Variants in NELL1 observed in about 807,000 individuals in gnomAD.
NELL1 encodes protein kinase C-binding protein NELL1.
In NELL1, 76 loss-of-function variants were observed where a neutral mutation model predicts 107.4. That is an observed-to-expected ratio of 0.71 (90% confidence interval 0.59 to 0.86). The LOEUF (loss-of-function observed/expected upper bound fraction) is 0.86. Among genes scored for constraint, NELL1 ranks in the 40% least tolerant of loss-of-function variants. The probability of loss-of-function intolerance (pLI) is 0.00; values close to 1 mark genes in which losing one functional copy is unlikely to be tolerated. For synonymous variants in NELL1, 353 were observed against 341.2 expected (o/e 1.03, Z -0.38); for missense variants, 1,024 against 1,005.5 (o/e 1.02, Z -0.25).
intron 14 of NELL1, among the ~76,000 whole-genome samples, chr11:21,264,098 T>TGTGTG (rs1384879423): frequency 9.5e-5 from 4 of 41,946 alleles, no homozygotes; most frequent in African/African-American, 3.3e-4. Flanking sequence ...GTGTGTGTGT[T>TGTGTG]TGTGTGTCTG....
intron 4 of NELL1, among the ~76,000 whole-genome samples, chr11:20,881,478 GGAC>G: frequency 6.6e-6 from 1 of 152,250 alleles, no homozygotes; most frequent in South Asian, 2.1e-4. Flanking sequence ...GCTTAACCAA[GGAC>G]GAGTTATTTG....
At chr11:21,405,366 T>C (rs370721869) in intron 15 of NELL1, among the ~76,000 whole-genome samples, 1 of 146,600 alleles carries the variant, frequency 6.8e-6, no homozygotes. Context: ...CAGTTTTGTT[T>C]TACCTGTTGT....
intron 14 of NELL1, among the ~76,000 whole-genome samples, chr11:21,350,720 G>C (rs909019104): frequency 6.6e-6 from 1 of 152,148 alleles, no homozygotes; most frequent in African/African-American, 2.4e-5. Context: ...AGAGTTGAAA[G>C]ACACCATCTG....
chr11:20,694,158 G>T (rs542404424), intron 2 of NELL1, among the ~76,000 whole-genome samples: 1 of 152,078 alleles, frequency 6.6e-6, no homozygotes, highest in South Asian at 2.1e-4. Flanking sequence ...GCACTTCTCT[G>T]TATTGGTTAT....
chr11:21,106,841 A>G (rs1854982112), intron 12 of NELL1, among the ~76,000 whole-genome samples: 1 of 152,140 alleles, frequency 6.6e-6, no homozygotes, highest in Non-Finnish European at 1.5e-5. Context: ...GTAAAGCACT[A>G]ATTTCAGAAT....
At chr11:21,221,036 A>G (rs1590746054) in intron 13 of NELL1, among the ~76,000 whole-genome samples, 5 of 152,296 alleles carry the variant, frequency 3.3e-5, no homozygotes, top group East Asian at 1.9e-4. Context: ...GTGTCTGGGT[A>G]TGCTGATTCT....
At chr11:21,540,360 G>T (rs1856260420) in intron 16 of NELL1, among the ~76,000 whole-genome samples, 2 of 152,012 alleles carry the variant, frequency 1.3e-5, no homozygotes, top group Admixed American at 6.6e-5. Context: ...ACCCTTCCCA[G>T]TCGCTGGTAT....
chr11:21,003,801 T>C (rs957212035), intron 12 of NELL1, among the ~76,000 whole-genome samples: 1 of 152,096 alleles, frequency 6.6e-6, no homozygotes, highest in African/African-American at 2.4e-5. Context: ...TTTATTATTA[T>C]TATACTTTAA....
chr11:21,552,934 G>A (rs892163756), intron 16 of NELL1, among the ~76,000 whole-genome samples: 7 of 151,736 alleles, frequency 4.6e-5, no homozygotes, highest in African/African-American at 1.7e-4. Flanking sequence ...CAATACACAG[G>A]GCAGTGAAAG....
intron 15 of NELL1, among the ~76,000 whole-genome samples, chr11:21,432,095 C>T (rs1428242795): frequency 1.3e-5 from 2 of 152,098 alleles, no homozygotes; most frequent in Non-Finnish European, 2.9e-5. Flanking sequence ...AAATGAAAGT[C>T]ATTTTAGTTC....
chr11:21,356,034 C>T (rs1272862726), intron 14 of NELL1, among the ~76,000 whole-genome samples: 2 of 152,130 alleles, frequency 1.3e-5, no homozygotes, highest in African/African-American at 2.4e-5. Flanking sequence ...AGTGATCACC[C>T]GTTATATGTC....
chr11:20,753,031 C>G (rs1856178167), intron 2 of NELL1, among the ~76,000 whole-genome samples: 1 of 152,142 alleles, frequency 6.6e-6, no homozygotes. Flanking sequence ...GGTCTTAATA[C>G]AGTACAGTAT....
intron 2 of NELL1, among the ~76,000 whole-genome samples, chr11:20,730,670 C>T (rs536012990): frequency 2.6e-5 from 4 of 152,212 alleles, no homozygotes; most frequent in South Asian, 4.1e-4. Context: ...TGACTGTGAC[C>T]GCTGCTTTGA....
chr11:21,335,443 A>T (rs913749465), intron 14 of NELL1, among the ~76,000 whole-genome samples: 7 of 152,090 alleles, frequency 4.6e-5, no homozygotes, highest in Non-Finnish European at 1.0e-4. Flanking sequence ...AATGCCAAAG[A>T]TCTAATCAAG....
chr11:21,285,417 T>C (rs769482912), intron 14 of NELL1, among the ~76,000 whole-genome samples: 1 of 152,204 alleles, frequency 6.6e-6, no homozygotes, highest in Non-Finnish European at 1.5e-5. Flanking sequence ...CAATAAACTT[T>C]GCCTAAAAAA....
At chr11:21,230,633 T>A (rs1181310898) in intron 14 of NELL1, among the ~76,000 whole-genome samples, 1 of 152,236 alleles carries the variant, frequency 6.6e-6, no homozygotes, top group African/African-American at 2.4e-5. Context: ...ACATTGTCAG[T>A]ATTCCTCTGC....
intron 15 of NELL1, among the ~76,000 whole-genome samples, chr11:21,486,209 A>G (rs1854628116): frequency 6.6e-6 from 1 of 151,806 alleles, no homozygotes; most frequent in African/African-American, 2.4e-5. Context: ...CTCACCATAC[A>G]CCACTCTGGA....
intron 12 of NELL1, among the ~76,000 whole-genome samples, chr11:20,978,352 A>G (rs1472574246): frequency 6.6e-6 from 1 of 152,192 alleles, no homozygotes; most frequent in Non-Finnish European, 1.5e-5. Flanking sequence ...ATCCAAGAGA[A>G]TTAACGATTT....
intron 12 of NELL1, among the ~76,000 whole-genome samples, chr11:21,042,759 A>G (rs2134334642): frequency 6.6e-6 from 1 of 152,172 alleles, no homozygotes; most frequent in East Asian, 1.9e-4. Flanking sequence ...GGTAAATGGG[A>G]GGTCAGGGAG....
Sources: gnomAD v4.1 joint callset for allele counts (sites outside exome capture counted in the v4.1 genomes callset) on GRCh38, gnomAD v4.1.1 for gene constraint, MANE v1.5 for transcripts, NCBI Gene and HGNC (gene_info 2026-07-23, HGNC 2026-07-21) for gene names.